Variants in TLE1 observed in about 807,000 individuals in gnomAD.
TLE1 encodes the protein TLE family member 1, transcriptional corepressor.
TLE1 carries 21 observed loss-of-function variants against 89.8 expected under a neutral mutation model. The ratio of observed to expected loss-of-function variants is 0.23; its 90% confidence interval spans 0.17 to 0.34. TLE1 has a LOEUF of 0.34. TLE1 is among the 10% of genes least tolerant of loss of function. The pLI, the probability that TLE1 is intolerant of heterozygous loss-of-function variation, is 1.00. For synonymous variants in TLE1, 447 were observed against 407.6 expected (o/e 1.10, Z -1.16); for missense variants, 795 against 1,031.2 (o/e 0.77, Z 3.14).
chr9:81,610,159 G>A lies in TLE1; in HGVS notation c.1331+61C>T. The A allele has an allele frequency of 2.1e-6, 3 of 1,430,336 alleles. No individual in the cohort carries two copies. In the South Asian group the frequency reaches 3.6e-5, roughly 17 times the overall value. The allele number at this position is 1,430,336 out of a possible 1,614,324, so 88.6% of individuals were successfully genotyped here. On this transcript the variant is annotated intron_variant, in intron 14 of 19. Transcript: ENST00000376499. ...TGTACTCCCTTTGGAATTCTAGTCT[G>A]CTAATACCAATGACTGAGTAACCAC...
chr9:81,605,393 T>C (rs1831506814), intron 14 of TLE1, among the ~76,000 whole-genome samples: 1 of 152,156 alleles, frequency 6.6e-6, no homozygotes, highest in African/African-American at 2.4e-5. Context: ...TTTTCCCTCC[T>C]ATTCATTTGT....
rs762658437 is a variant in TLE1, at chr9:81,616,811, G to A, written c.712-112C>T. On this transcript the variant is annotated intron_variant, in intron 9 of 19. Transcript: ENST00000376499. ...GCAGACAGACTAAAAAAACTACCTG[G>A]GACAGGCCTGCAGGCTCTCTATCAG... The A allele has an allele frequency of 4.7e-4, 536 of 1,150,610 alleles. 3 individuals carry two copies. Among genetic ancestry groups the A allele is most frequent in the Non-Finnish European group, 6.1e-4 (468 of 773,382 alleles). 71.3% of individuals were successfully genotyped at this position (1,150,610 alleles called of 1,614,324 possible).
intron 16 of TLE1, among the ~76,000 whole-genome samples, chr9:81,589,265 T>TC (rs1203705366): frequency 6.6e-6 from 1 of 152,098 alleles, no homozygotes. Context: ...GAAAACACCT[T>TC]CCTCTGCTGA....
Position 81,619,415 on chromosome 9 carries a change from G to A in TLE1, c.711+1026C>T, listed in dbSNP as rs1276471150. Among the ~76,000 whole-genome samples the A allele has an allele frequency of 3.3e-5, 5 of 152,292 alleles. No individual in the cohort carries two copies. The East Asian group carries it at 5.8e-4, about 18-fold the overall frequency. Reference sequence around the variant, plus strand: ...GCTGGCTCCAGCAAATCACTGGGATGTTATAAGAGTTAAATGAAATAATCC... The same window carrying A: ...GCTGGCTCCAGCAAATCACTGGGATATTATAAGAGTTAAATGAAATAATCC... On this transcript the variant is annotated intron_variant, in intron 9 of 19. Transcript: ENST00000376499.
chr9:81,633,381 C>A lies in TLE1; in HGVS notation c.578-17G>T. The A allele has an allele frequency of 6.2e-7, 1 of 1,612,618 alleles. No homozygotes were observed. The highest frequency in any genetic ancestry group is 8.5e-7 in the Non-Finnish European group (1 of 1,179,758). On this transcript the variant is annotated splice_polypyrimidine_tract_variant and intron_variant, in intron 7 of 19. Transcript: ENST00000376499. ...GCTCTCTGTCTGCTCCCGAGGTTACCAAGAAACGCACAGACATGCCCGTTC... is the reference window on the plus strand; with the variant it reads ...GCTCTCTGTCTGCTCCCGAGGTTACAAAGAAACGCACAGACATGCCCGTTC...
intron 4 of TLE1, among the ~76,000 whole-genome samples, chr9:81,683,610 A>T (rs750259518): frequency 1.2e-4 from 19 of 152,190 alleles, no homozygotes; most frequent in Non-Finnish European, 2.8e-4. Flanking sequence ...ATGTAAGTCC[A>T]CTTTAAACTG....
chr9:81,676,839 G>C (rs990154995), intron 4 of TLE1, among the ~76,000 whole-genome samples: 1 of 152,174 alleles, frequency 6.6e-6, no homozygotes, highest in African/African-American at 2.4e-5. Flanking sequence ...GGGGACACTG[G>C]GCAAGTCAAT....
At chr9:81,661,476 A>G (rs1325883435) in intron 4 of TLE1, among the ~76,000 whole-genome samples, 2 of 152,126 alleles carry the variant, frequency 1.3e-5, no homozygotes, top group Non-Finnish European at 2.9e-5. Flanking sequence ...CACCTTGCCC[A>G]AAGTCAGCTT....
chr9:81,662,425 T>C (rs1830933384), intron 4 of TLE1, among the ~76,000 whole-genome samples: 1 of 148,062 alleles, frequency 6.8e-6, no homozygotes, highest in East Asian at 2.0e-4. Flanking sequence ...CCAGGAGCTG[T>C]GGCTCACGCC....
intron 8 of TLE1, among the ~76,000 whole-genome samples, chr9:81,631,980 T>C (rs1448972995): frequency 2.0e-5 from 3 of 151,978 alleles, no homozygotes; most frequent in Non-Finnish European, 4.4e-5. Context: ...CACAGGCCTG[T>C]AATCCCAGCT....
intron 12 of TLE1, chr9:81,612,339 T>C: frequency 4.0e-6 from 4 of 1,010,368 alleles, no homozygotes; most frequent in Non-Finnish European, 4.7e-6. Flanking sequence ...CCAAGATTTC[T>C]CTTTCAGTCC....
intron 8 of TLE1, among the ~76,000 whole-genome samples, chr9:81,632,542 A>C (rs1458589610): frequency 1.4e-5 from 2 of 147,950 alleles, no homozygotes; most frequent in African/African-American, 5.0e-5. Context: ...AGAAAGAAGG[A>C]GGCAAAACCT....
At chr9:81,604,606 T>A (rs572365012) in intron 14 of TLE1, among the ~76,000 whole-genome samples, 60 of 152,162 alleles carry the variant, frequency 3.9e-4, no homozygotes, top group Non-Finnish European at 1.5e-4. Flanking sequence ...CAGCAGTGGG[T>A]CCCCCATCCT....
At chr9:81,672,220 C>G (rs985653875) in intron 4 of TLE1, among the ~76,000 whole-genome samples, 5 of 152,166 alleles carry the variant, frequency 3.3e-5, no homozygotes, top group African/African-American at 1.2e-4. Context: ...CTTACAAAGA[C>G]ACACAAGAAG....
In TLE1 at chr9:81,616,685, G is replaced by C. The variant is rs1824555667; in HGVS notation, c.726C>G (p.Asp242Glu). The C allele has an allele frequency of 6.2e-7, 1 of 1,613,978 alleles. No individual in the cohort carries two copies. The highest frequency in any genetic ancestry group is 8.5e-7 in the Non-Finnish European group (1 of 1,179,998). Reference sequence around the variant, plus strand: ...CCACAACTAAGTTGTCATCGCTTTTGTCACCATCACTGTCCTGGAAAAAAG... The same window carrying C: ...CCACAACTAAGTTGTCATCGCTTTTCTCACCATCACTGTCCTGGAAAAAAG... The part of the protein sequence containing the change: ...KDSSHYDSDG[D>E]KSDDNLVVDV... The change falls in exon 10 of 20, where the codon GAC becomes GAG. Residue 242 changes from aspartate to glutamate, a missense_variant. This residue lies in a region of TLE1 where 468 missense variants were observed against 509.1 expected (regional missense o/e 0.92). Coordinates refer to ENST00000376499, the MANE Select transcript of TLE1 (RefSeq NM_005077.5).
At chr9:81,619,126 A>T (rs1040357638) in intron 9 of TLE1, among the ~76,000 whole-genome samples, 1 of 152,174 alleles carries the variant, frequency 6.6e-6, no homozygotes, top group African/African-American at 2.4e-5. Flanking sequence ...CATGTCATAA[A>T]CCTTCCAACT....
At chr9:81,645,688 T>C (rs1828772258) in intron 6 of TLE1, among the ~76,000 whole-genome samples, 1 of 150,332 alleles carries the variant, frequency 6.7e-6, no homozygotes, top group African/African-American at 2.4e-5. Context: ...TGTGGTGAGC[T>C]GAGATCAAGC....
intron 14 of TLE1, among the ~76,000 whole-genome samples, chr9:81,601,867 G>A (rs546494672): frequency 1.3e-5 from 2 of 152,248 alleles, no homozygotes; most frequent in South Asian, 2.1e-4. Context: ...TCCTGGACCT[G>A]TCTCCCACCT....
chr9:81,654,010 C>T lies in TLE1; in HGVS notation c.261G>A (p.Thr87=), dbSNP rs768485790. 2.4e-5 allele frequency: 38 copies of T among 1,613,812 alleles called. No individual in the cohort carries two copies. The highest frequency in any genetic ancestry group is 3.0e-5 in the Non-Finnish European group (35 of 1,179,938). Residue 87 remains threonine (T), a synonymous_variant, in exon 5 of 20, where the codon ACG becomes ACA. Coordinates refer to ENST00000376499, the MANE Select transcript of TLE1 (RefSeq NM_005077.5). ...KQTEIAKRLN[T]ICAQVIPFLS... ...GAAATGGGATGACTTGTGCACAAAT[C>T]GTATTCAATCTCTTGGCGATTTCAG...
Sources: gnomAD v4.1 joint callset for allele counts (sites outside exome capture counted in the v4.1 genomes callset) on GRCh38, gnomAD v4.1.1 for gene constraint, gnomAD v4.1.1 regional missense constraint, MANE v1.5 for transcripts, NCBI Gene and HGNC (gene_info 2026-07-23, HGNC 2026-07-21) for gene names.